SETBP1: variants seen among roughly 807,000 people sequenced by gnomAD.
The protein encoded by SETBP1 is SET binding protein 1.
Under a neutral mutation model 101.0 loss-of-function variants are expected in SETBP1, and 9 were observed. The observed-to-expected ratio is 0.09, with a 90% CI of 0.05 to 0.16. SETBP1 has a LOEUF of 0.16. Among genes scored for constraint, SETBP1 ranks in the 10% least tolerant of loss-of-function variants. The pLI is 1.00. For synonymous variants in SETBP1, 818 were observed against 788.5 expected, an observed-to-expected ratio of 1.04 and a Z score of -0.63; for missense variants, 1,858 against 2,033.8, an observed-to-expected ratio of 0.91 and a Z score of 1.66.
intron 4 of SETBP1, among the ~76,000 whole-genome samples, chr18:45,029,867 T>A (rs1277308070): frequency 2.0e-5 from 3 of 152,116 alleles, no homozygotes; most frequent in East Asian, 1.9e-4. Flanking sequence ...TTTTGTATCC[T>A]GAGACTTTGC....
At chr18:44,911,594 C>A (rs150537545) in intron 3 of SETBP1, among the ~76,000 whole-genome samples, 1 of 152,192 alleles carries the variant, frequency 6.6e-6, no homozygotes, top group African/African-American at 2.4e-5. Context: ...AAGATGGCCA[C>A]CCTCTGGGTG....
intron 3 of SETBP1, among the ~76,000 whole-genome samples, chr18:44,874,190 T>C (rs891983967): frequency 6.6e-6 from 1 of 152,236 alleles, no homozygotes; most frequent in East Asian, 1.9e-4. Context: ...TAAGGGCTTT[T>C]ATAGAACAAT....
At chr18:44,825,421 A>G (rs1335457761) in intron 2 of SETBP1, among the ~76,000 whole-genome samples, 2 of 152,212 alleles carry the variant, frequency 1.3e-5, no homozygotes, top group Non-Finnish European at 2.9e-5. Context: ...TTTTTCATCC[A>G]GTGAAAAAGG....
intron 1 of SETBP1, among the ~76,000 whole-genome samples, chr18:44,695,534 AG>A (rs2069000216): frequency 2.0e-5 from 3 of 152,260 alleles, no homozygotes; most frequent in Admixed American, 6.5e-5. Flanking sequence ...TGAGGCAAAA[AG>A]TTCTAGCCTG....
chr18:44,915,349 C>A (rs1399090054), intron 3 of SETBP1, among the ~76,000 whole-genome samples: 1 of 152,120 alleles, frequency 6.6e-6, no homozygotes, highest in Non-Finnish European at 1.5e-5. Context: ...GCTAAAGGAT[C>A]TTGGCAGCAA....
chr18:44,898,501 G>A (rs1309370017), intron 3 of SETBP1, among the ~76,000 whole-genome samples: 2 of 152,126 alleles, frequency 1.3e-5, no homozygotes, highest in Admixed American at 6.5e-5. Context: ...ATCTGATGGA[G>A]GGCTTCCAGA....
chr18:44,696,648 T>C (rs556804826), intron 1 of SETBP1, among the ~76,000 whole-genome samples: 163 of 152,318 alleles, frequency 1.1e-3, no homozygotes, highest in African/African-American at 3.7e-3. Flanking sequence ...GCTGTTCATT[T>C]TGGAGTGTAC....
At chr18:44,691,661 A>G (rs2068936233) in intron 1 of SETBP1, among the ~76,000 whole-genome samples, 2 of 152,188 alleles carry the variant, frequency 1.3e-5, no homozygotes, top group African/African-American at 4.8e-5. Context: ...ATCCCTGAGT[A>G]CAGAGACTAA....
chr18:45,020,357 A>T (rs2145416439), intron 4 of SETBP1, among the ~76,000 whole-genome samples: 1 of 148,308 alleles, frequency 6.7e-6, no homozygotes, highest in Admixed American at 6.9e-5. Context: ...ACTATGAGGC[A>T]CCCACACTTA....
At chr18:44,927,288 A>G (rs2070726972) in intron 3 of SETBP1, among the ~76,000 whole-genome samples, 1 of 152,210 alleles carries the variant, frequency 6.6e-6, no homozygotes, top group African/African-American at 2.4e-5. Context: ...TCTGCAGCCT[A>G]CATTCAACCT....
intron 2 of SETBP1, among the ~76,000 whole-genome samples, chr18:44,842,530 G>C (rs2072637196): frequency 6.6e-6 from 1 of 152,176 alleles, no homozygotes; most frequent in South Asian, 2.1e-4. Flanking sequence ...GCATCAATCT[G>C]GTGCCTTCCC....
intron 3 of SETBP1, among the ~76,000 whole-genome samples, chr18:44,944,088 C>T (rs1021238928): frequency 4.6e-5 from 7 of 152,202 alleles, no homozygotes; most frequent in Non-Finnish European, 5.9e-5. Flanking sequence ...CTCATCTCAG[C>T]CTCCCAAAGT....
At chr18:44,840,588 G>A (rs949322694) in intron 2 of SETBP1, among the ~76,000 whole-genome samples, 1 of 152,208 alleles carries the variant, frequency 6.6e-6, no homozygotes, top group Admixed American at 6.5e-5. Flanking sequence ...GATTTCACCA[G>A]CTGGAGTAAA....
chr18:44,876,761 T>A, intron 3 of SETBP1: 1 of 1,511,398 alleles, frequency 6.6e-7, no homozygotes, highest in South Asian at 1.3e-5. Flanking sequence ...TAACTTCGCA[T>A]GGATTCTGCA....
intron 3 of SETBP1, among the ~76,000 whole-genome samples, chr18:44,877,665 A>C (rs2069439460): frequency 6.6e-6 from 1 of 152,234 alleles, no homozygotes; most frequent in African/African-American, 2.4e-5. Context: ...CCTCACACTG[A>C]AGCCCAAACT....
intron 1 of SETBP1, among the ~76,000 whole-genome samples, chr18:44,691,989 C>T (rs1568092243): frequency 1.3e-5 from 2 of 152,226 alleles, no homozygotes; most frequent in Admixed American, 1.3e-4. Flanking sequence ...ATTATTTCCT[C>T]CATGAGACAA....
chr18:45,017,554 A>T (rs535076374), intron 4 of SETBP1, among the ~76,000 whole-genome samples: 24 of 152,336 alleles, frequency 1.6e-4, no homozygotes, highest in African/African-American at 5.3e-4. Context: ...GGACTGGGAT[A>T]TGGTTTTCCA....
At chr18:44,708,015 T>C (rs1002201826) in intron 2 of SETBP1, among the ~76,000 whole-genome samples, 50 of 152,292 alleles carry the variant, frequency 3.3e-4, no homozygotes, top group Non-Finnish European at 6.2e-4. Flanking sequence ...CTTTAATGGT[T>C]GTAGCAATTT....
At chr18:44,728,833 G>A (rs1181878464) in intron 2 of SETBP1, among the ~76,000 whole-genome samples, 1 of 152,152 alleles carries the variant, frequency 6.6e-6, no homozygotes, top group Admixed American at 6.5e-5. Context: ...TGATAGACTT[G>A]ACTAGAAGAA....
Sources: gnomAD v4.1 joint callset for allele counts (sites outside exome capture counted in the v4.1 genomes callset) on GRCh38, gnomAD v4.1.1 for gene constraint, MANE v1.5 for transcripts, NCBI Gene and HGNC (gene_info 2026-07-23, HGNC 2026-07-21) for gene names.